CHST11: variants seen among roughly 807,000 people sequenced by gnomAD.
CHST11 encodes carbohydrate sulfotransferase 11, also known as C4S-1.
A neutral mutation model predicts 30.4 loss-of-function variants in CHST11; 9 were observed. The ratio of observed to expected loss-of-function variants is 0.30; its 90% CI spans 0.18 to 0.52. The LOEUF (loss-of-function observed/expected upper bound fraction) is 0.52. Among genes scored for constraint, CHST11 ranks in the 20% least tolerant of loss-of-function variants. The pLI is 0.97. For synonymous variants in CHST11, 152 were observed against 187.8 expected (o/e 0.81, Z 1.56); for missense variants, 348 against 460.6 (o/e 0.76, Z 2.24).
At chr12:104,576,017 A>T (rs374077837) in intron 1 of CHST11, among the ~76,000 whole-genome samples, 7 of 151,714 alleles carry the variant, frequency 4.6e-5, no homozygotes, top group East Asian at 2.0e-4. Context: ...GCATGTGTGC[A>T]TGAGCTTTGG....
chr12:104,532,106 G>T (rs1795851), intron 1 of CHST11, among the ~76,000 whole-genome samples: 1 of 151,922 alleles, frequency 6.6e-6, no homozygotes, highest in African/African-American at 2.4e-5. Context: ...TTCTCCCACC[G>T]TCTCTTTCCC....
At chr12:104,754,644 TA>T (rs2040460208) in intron 2 of CHST11, among the ~76,000 whole-genome samples, 1 of 152,174 alleles carries the variant, frequency 6.6e-6, no homozygotes, top group Non-Finnish European at 1.5e-5. Context: ...ACTGGAGAAA[TA>T]GAGTCTCTGC....
At chr12:104,574,699 G>C (rs1592771141) in intron 1 of CHST11, among the ~76,000 whole-genome samples, 2 of 151,950 alleles carry the variant, frequency 1.3e-5, no homozygotes, top group Admixed American at 6.6e-5. Context: ...TCACACACTG[G>C]GGTCTGTTGT....
intron 2 of CHST11, among the ~76,000 whole-genome samples, chr12:104,742,307 C>T (rs944177755): frequency 2.6e-4 from 39 of 152,106 alleles, no homozygotes; most frequent in Admixed American, 2.4e-3. Context: ...GGGAGGCAAG[C>T]CCCTGCCTCC....
At chr12:104,574,118 C>G (rs577606435) in intron 1 of CHST11, among the ~76,000 whole-genome samples, 3 of 152,332 alleles carry the variant, frequency 2.0e-5, no homozygotes, top group Non-Finnish European at 2.9e-5. Context: ...AAATGCTCAT[C>G]ATCACTGGCC....
chr12:104,472,050 T>G (rs2037514736), intron 1 of CHST11, among the ~76,000 whole-genome samples: 1 of 152,062 alleles, frequency 6.6e-6, no homozygotes, highest in African/African-American at 2.4e-5. Context: ...AACTTTGACC[T>G]CCTGGGCTCA....
At chr12:104,473,358 A>G (rs2037528772) in intron 1 of CHST11, among the ~76,000 whole-genome samples, 1 of 152,160 alleles carries the variant, frequency 6.6e-6, no homozygotes, top group Non-Finnish European at 1.5e-5. Flanking sequence ...TCAGTTGCTA[A>G]TGGTGCCCTA....
intron 1 of CHST11, among the ~76,000 whole-genome samples, chr12:104,522,672 T>G (rs1814062672): frequency 1.3e-5 from 2 of 152,060 alleles, no homozygotes; most frequent in South Asian, 2.1e-4. Context: ...GGTGGAGGGC[T>G]GGTCTTGCTA....
intron 2 of CHST11, among the ~76,000 whole-genome samples, chr12:104,669,242 C>T (rs953959862): frequency 6.6e-6 from 1 of 152,202 alleles, no homozygotes; most frequent in Non-Finnish European, 1.5e-5. Flanking sequence ...GCCAGCTCCA[C>T]GCCCTCCTGA....
At chr12:104,597,200 G>T (rs1206625579) in intron 1 of CHST11, among the ~76,000 whole-genome samples, 1 of 152,104 alleles carries the variant, frequency 6.6e-6, no homozygotes, top group Non-Finnish European at 1.5e-5. Context: ...AAACACGAGC[G>T]GCTTGAGTTT....
chr12:104,536,498 C>T (rs2038238508), intron 1 of CHST11, among the ~76,000 whole-genome samples: 1 of 152,164 alleles, frequency 6.6e-6, no homozygotes. Context: ...TTTTGCATGC[C>T]TTTGCTTCAT....
chr12:104,536,076 G>GT (rs2038235189), intron 1 of CHST11, among the ~76,000 whole-genome samples: 1 of 152,168 alleles, frequency 6.6e-6, no homozygotes, highest in Non-Finnish European at 1.5e-5. Flanking sequence ...CACTTTGCTG[G>GT]TTTTTTCCAT....
intron 2 of CHST11, among the ~76,000 whole-genome samples, chr12:104,668,522 T>A (rs1430732881): frequency 1.3e-5 from 2 of 152,166 alleles, no homozygotes; most frequent in African/African-American, 4.8e-5. Context: ...GGCAACTGAA[T>A]ACAGTCCCCA....
rs541527275 is a variant in CHST11, at chr12:104,757,921, G to A, written c.*118G>A. 6.6e-6 allele frequency: 7 copies of A among 1,062,792 alleles called. No homozygotes were observed. Among genetic ancestry groups the A allele is most frequent in the Non-Finnish European group, 5.3e-6 (4 of 750,680 alleles). 65.8% of individuals were successfully genotyped at this position (1,062,792 alleles called of 1,614,324 possible). ...AATATTTCTTTGGGGATGATGCTGC[G>A]AGCAGCATAGTGAGAATTATTTAAA... is the stretch of plus-strand genomic sequence containing the variant. On this transcript the variant is annotated 3_prime_UTR_variant, in exon 3 of 3. Coordinates refer to ENST00000303694, the MANE Select transcript of CHST11 (RefSeq NM_018413.6). The surrounding 1 kb of genome is among the most constrained non-coding windows in gnomAD (Gnocchi z 6.5).
intron 2 of CHST11, among the ~76,000 whole-genome samples, chr12:104,744,779 T>C (rs1211488921): frequency 6.6e-6 from 1 of 152,190 alleles, no homozygotes; most frequent in African/African-American, 2.4e-5. Context: ...TTAATTTATG[T>C]CTGTGGTGTA....
intron 2 of CHST11, among the ~76,000 whole-genome samples, chr12:104,642,929 C>T (rs1233160577): frequency 2.0e-5 from 3 of 151,978 alleles, no homozygotes; most frequent in Admixed American, 6.6e-5. Context: ...GGTTTATTTT[C>T]AACTACTAAT....
intron 2 of CHST11, among the ~76,000 whole-genome samples, chr12:104,638,958 C>A (rs1185834213): frequency 5.9e-5 from 9 of 152,302 alleles, no homozygotes. Context: ...GGCTTTTCTC[C>A]TGGCACTTGA....
chr12:104,662,120 T>G (rs2039603924), intron 2 of CHST11, among the ~76,000 whole-genome samples: 1 of 152,180 alleles, frequency 6.6e-6, no homozygotes, highest in South Asian at 2.1e-4. Context: ...ACAAGGCACC[T>G]GGCACATAGT....
chr12:104,655,214 G>A (rs1277206792), intron 2 of CHST11, among the ~76,000 whole-genome samples: 2 of 152,254 alleles, frequency 1.3e-5, no homozygotes, highest in Non-Finnish European at 2.9e-5. Flanking sequence ...AAGGGTGAGC[G>A]ACTTCGCAGA....
Sources: gnomAD v4.1 joint callset for allele counts (sites outside exome capture counted in the v4.1 genomes callset) on GRCh38, gnomAD v4.1.1 for gene constraint, Gnocchi (gnomAD v3.1) non-coding constraint, MANE v1.5 for transcripts, NCBI Gene and HGNC (gene_info 2026-07-23, HGNC 2026-07-21) for gene names.